The following PHACTR1 variants were observed in gnomAD, a reference collection of about 807,000 sequenced individuals.
PHACTR1 encodes RPEL repeat containing 1.
In PHACTR1, 16 loss-of-function variants were observed where a neutral mutation model predicts 69.2. The ratio of observed to expected loss-of-function variants is 0.23; its 90% CI spans 0.16 to 0.35. PHACTR1 has a LOEUF of 0.35. Among genes scored for constraint, PHACTR1 ranks in the 10% least tolerant of loss-of-function variants. PHACTR1 has a pLI of 1.00. For missense variants in PHACTR1, 510 were observed against 734.7 expected (o/e 0.69, Z 3.54); for synonymous variants, 312 against 284.5 (o/e 1.10, Z -0.97).
chr6:13,180,076 T>C (rs1257790828), intron 6 of PHACTR1, among the ~76,000 whole-genome samples: 2 of 152,172 alleles, frequency 1.3e-5, no homozygotes, highest in African/African-American at 4.8e-5. Context: ...TATATAGTCA[T>C]CCAGTATAAT....
At chr6:13,021,664 A>G (rs1800993677) in intron 4 of PHACTR1, among the ~76,000 whole-genome samples, 1 of 152,146 alleles carries the variant, frequency 6.6e-6, no homozygotes, top group Admixed American at 6.5e-5. Context: ...ATAAAAGTTC[A>G]GTTTCTCTGC....
chr6:12,958,939 G>C (rs1262183932), intron 4 of PHACTR1, among the ~76,000 whole-genome samples: 2 of 152,142 alleles, frequency 1.3e-5, no homozygotes, highest in Admixed American at 6.5e-5. Context: ...CACTGTGGGA[G>C]ACCAAGGCAG....
chr6:13,019,351 G>A (rs1380244682), intron 4 of PHACTR1, among the ~76,000 whole-genome samples: 1 of 152,208 alleles, frequency 6.6e-6, no homozygotes, highest in Non-Finnish European at 1.5e-5. Flanking sequence ...ATTTGAGTGA[G>A]TTTTTACGAT....
intron 10 of PHACTR1, among the ~76,000 whole-genome samples, chr6:13,235,054 G>A (rs943254966): frequency 2.6e-5 from 4 of 152,152 alleles, no homozygotes; most frequent in African/African-American, 4.8e-5. Context: ...TATACATAAA[G>A]GAATGGTACC....
At chr6:12,859,157 C>T (rs1247547271) in intron 4 of PHACTR1, among the ~76,000 whole-genome samples, 1 of 152,142 alleles carries the variant, frequency 6.6e-6, no homozygotes, top group Non-Finnish European at 1.5e-5. Flanking sequence ...CCTTTACAAA[C>T]ATGACTTAAT....
intron 6 of PHACTR1, among the ~76,000 whole-genome samples, chr6:13,167,830 A>T (rs1760033799): frequency 6.6e-6 from 1 of 152,226 alleles, no homozygotes; most frequent in Non-Finnish European, 1.5e-5. Context: ...TGAAATGGAC[A>T]ACTCTTTTAC....
chr6:13,278,118 G>A (rs886990511), intron 11 of PHACTR1, 150 bp from the exon 12 acceptor site: 4 of 663,116 alleles, frequency 6.0e-6, no homozygotes, highest in Non-Finnish European at 1.0e-5. Context: ...ATCCCCATAA[G>A]GAGAAGGGCA....
intron 5 of PHACTR1, among the ~76,000 whole-genome samples, chr6:13,110,343 C>A (rs985326169): frequency 6.6e-6 from 1 of 152,170 alleles, no homozygotes; most frequent in Admixed American, 6.6e-5. Flanking sequence ...TTCCTCTATG[C>A]GTAGTTTAAC....
At chr6:13,241,650 A>C (rs1772854670) in intron 10 of PHACTR1, among the ~76,000 whole-genome samples, 1 of 152,148 alleles carries the variant, frequency 6.6e-6, no homozygotes, top group African/African-American at 2.4e-5. Flanking sequence ...TAAGACTTTC[A>C]ACTGTAGTAG....
intron 5 of PHACTR1, among the ~76,000 whole-genome samples, chr6:13,070,127 T>G (rs577551965): frequency 1.6e-4 from 25 of 152,194 alleles, no homozygotes; most frequent in Non-Finnish European, 3.2e-4. Context: ...TGATTATCAT[T>G]GCCTTTGAGG....
At chr6:12,837,158 T>TAATA (rs936140375) in intron 4 of PHACTR1, among the ~76,000 whole-genome samples, 12 of 152,166 alleles carry the variant, frequency 7.9e-5, no homozygotes, top group Non-Finnish European at 1.6e-4. Context: ...GTTGGTCCTA[T>TAATA]AATAGTGTCT....
chr6:12,802,825 T>C lies in PHACTR1; in HGVS notation c.250+53035T>C, dbSNP rs77994240. Among the ~76,000 whole-genome samples the C allele has an allele frequency of 7.1e-3, 1,079 of 152,318 alleles. 18 individuals are homozygous for C. Among genetic ancestry groups the C allele is most frequent in the African/African-American group, 0.025 (1,029 of 41,578 alleles). ...ATGGAAAGCCCCTTGGCACCCAAGA[T>C]TCTCGTCTCTATCATTTTATTCCGA... On this transcript the variant is annotated intron_variant, in intron 4 of 14. Coordinates refer to ENST00000332995, the MANE Select transcript of PHACTR1 (RefSeq NM_030948.6).
intron 5 of PHACTR1, among the ~76,000 whole-genome samples, chr6:13,136,801 A>G (rs1821627769): frequency 2.0e-5 from 3 of 152,236 alleles, no homozygotes; most frequent in Admixed American, 2.0e-4. Context: ...AGGAAATGGC[A>G]GCTCAATGGA....
chr6:13,083,377 G>A (rs1387647284), intron 5 of PHACTR1, among the ~76,000 whole-genome samples: 3 of 152,168 alleles, frequency 2.0e-5, no homozygotes, highest in South Asian at 2.1e-4. Flanking sequence ...GTCAGGTAGC[G>A]TGATGTTTCC....
Position 13,179,687 on chromosome 6 carries a change from T to C in PHACTR1, c.497-2832T>C, listed in dbSNP as rs1761913924. Among the ~76,000 whole-genome samples, 1 of 139,458 alleles carries C rather than the reference T, an allele frequency of 7.2e-6. No individual in the cohort carries two copies. The highest frequency in any genetic ancestry group is 2.6e-5 in the African/African-American group (1 of 38,034). The allele number at this position is 139,458 out of a possible 152,430, so 91.5% of individuals were successfully genotyped here. On this transcript the variant is annotated intron_variant, in intron 6 of 14. Transcript: ENST00000332995. The surrounding 1 kb of genome is among the most constrained non-coding windows in gnomAD (Gnocchi z 4.2). ...GAAGATAGGTAGGTAGGTAGGTAGA[T>C]AGATAAGTAGATAGAGATAGATAGA...
intron 4 of PHACTR1, among the ~76,000 whole-genome samples, chr6:13,032,923 C>T (rs1233931803): frequency 2.0e-5 from 3 of 152,092 alleles, no homozygotes. Context: ...TTTTGTTATT[C>T]TTTTATGTTG....
intron 4 of PHACTR1, among the ~76,000 whole-genome samples, chr6:12,859,879 G>A (rs542736999): frequency 2.8e-4 from 43 of 152,234 alleles, no homozygotes; most frequent in African/African-American, 9.9e-4. Flanking sequence ...CCTGTAAAAT[G>A]GTGCCAATAT....
chr6:13,000,140 A>G (rs1003527320), intron 4 of PHACTR1, among the ~76,000 whole-genome samples: 1 of 152,224 alleles, frequency 6.6e-6, no homozygotes, highest in Non-Finnish European at 1.5e-5. Flanking sequence ...AACAAGAAAG[A>G]GGCTCCAGAA....
At chr6:13,070,379 G>A (rs951023559) in intron 5 of PHACTR1, among the ~76,000 whole-genome samples, 1 of 152,148 alleles carries the variant, frequency 6.6e-6, no homozygotes, top group African/African-American at 2.4e-5. Context: ...CACCTGACAA[G>A]TGTGAACTAG....
Sources: gnomAD v4.1 joint callset for allele counts (sites outside exome capture counted in the v4.1 genomes callset) on GRCh38, gnomAD v4.1.1 for gene constraint, Gnocchi (gnomAD v3.1) non-coding constraint, MANE v1.5 for transcripts, NCBI Gene and HGNC (gene_info 2026-07-23, HGNC 2026-07-21) for gene names.